The following GRIN2A variants were observed in gnomAD, a reference collection of about 807,000 sequenced individuals.
The protein encoded by GRIN2A is glutamate receptor ionotropic, NMDA 2A.
GRIN2A carries 22 observed loss-of-function variants against 113.4 expected under a neutral mutation model. The observed-to-expected ratio is 0.19, with a 90% CI of 0.14 to 0.28. The LOEUF (loss-of-function observed/expected upper bound fraction) is 0.28. GRIN2A is among the 10% of genes least tolerant of loss of function. GRIN2A has a pLI of 1.00. For synonymous variants in GRIN2A, 827 were observed against 738.4 expected (o/e 1.12, Z -1.94); for missense variants, 1,502 against 1,887.0 (o/e 0.80, Z 3.78).
intron 2 of GRIN2A, among the ~76,000 whole-genome samples, chr16:9,992,891 TA>T (rs2046148022): frequency 6.6e-6 from 1 of 152,268 alleles, no homozygotes; most frequent in Admixed American, 6.5e-5. Context: ...GTTCCTGCCA[TA>T]ATAATGATAA....
At chr16:10,007,364 T>G (rs2046423038) in intron 2 of GRIN2A, among the ~76,000 whole-genome samples, 1 of 152,242 alleles carries the variant, frequency 6.6e-6, no homozygotes, top group Non-Finnish European at 1.5e-5. Context: ...TTGAATTTTA[T>G]TTTTCTGACC....
At chr16:9,795,758 C>G (rs569546184) in intron 11 of GRIN2A, among the ~76,000 whole-genome samples, 1 of 152,082 alleles carries the variant, frequency 6.6e-6, no homozygotes, top group Non-Finnish European at 1.5e-5. Context: ...ATGAATAAAC[C>G]GAGGCTAAAA....
In GRIN2A at chr16:9,760,726, G is replaced by T; in HGVS notation, c.*2423C>A. The T allele has an allele frequency of 4.4e-6, 1 of 228,300 alleles. No homozygotes were observed. The highest frequency in any genetic ancestry group is 8.7e-6 in the Non-Finnish European group (1 of 114,950). 14.1% of individuals were successfully genotyped at this position (228,300 alleles called of 1,614,324 possible). A position where few individuals can be genotyped will look rare whatever the true frequency, so the allele number is the denominator to read the frequency against. ...CCCCCTGGGTTTAGAGGACACCAGAGGAAGACAGAAAGCCTCTTTGGCTTG... is the reference window on the plus strand; with the variant it reads ...CCCCCTGGGTTTAGAGGACACCAGATGAAGACAGAAAGCCTCTTTGGCTTG... On this transcript the variant is annotated 3_prime_UTR_variant, in exon 13 of 13. Coordinates refer to ENST00000330684, the MANE Select transcript of GRIN2A (RefSeq NM_001134407.3).
chr16:10,160,107 T>G (rs1262182629), intron 2 of GRIN2A, among the ~76,000 whole-genome samples: 1 of 152,200 alleles, frequency 6.6e-6, no homozygotes, highest in Non-Finnish European at 1.5e-5. Context: ...AGGGTAAAAG[T>G]GCGTTTCCTT....
rs148147653 is a variant in GRIN2A at position 9,762,936 on chromosome 16, T to C, written c.*213A>G. Reference sequence around the variant, plus strand: ...TTTGGTTAAGGACTCACCTATCTGGTGTCTGCCATGCTCAGCACACACCTC... The same window carrying C: ...TTTGGTTAAGGACTCACCTATCTGGCGTCTGCCATGCTCAGCACACACCTC... On this transcript the variant is annotated 3_prime_UTR_variant, in exon 13 of 13. Coordinates refer to ENST00000330684, the MANE Select transcript of GRIN2A (RefSeq NM_001134407.3). 155 of 606,604 alleles carry C rather than the reference T, an allele frequency of 2.6e-4. No homozygotes were observed. Among genetic ancestry groups the C allele is most frequent in the African/African-American group, 2.5e-3 (135 of 54,084 alleles). The allele number at this position is 606,604 out of a possible 1,614,324, so 37.6% of individuals were successfully genotyped here.
intron 3 of GRIN2A, among the ~76,000 whole-genome samples, chr16:9,900,789 A>G (rs7203743): frequency 0.028 from 4,215 of 152,226 alleles, 196 homozygotes; most frequent in African/African-American, 0.096. Context: ...TTAACCTCTC[A>G]TGACTAAGGA....
chr16:9,941,273 G>C (rs980944032), intron 2 of GRIN2A, among the ~76,000 whole-genome samples: 1 of 152,184 alleles, frequency 6.6e-6, no homozygotes, highest in African/African-American at 2.4e-5. Flanking sequence ...CAACACCCTT[G>C]CTCTATGTAC....
intron 11 of GRIN2A, among the ~76,000 whole-genome samples, chr16:9,796,522 C>T (rs1902993845): frequency 6.6e-6 from 1 of 152,194 alleles, no homozygotes; most frequent in Non-Finnish European, 1.5e-5. Context: ...ATCCCTTGAC[C>T]CTGAACTTGG....
At chr16:9,894,715 G>T (rs13335592) in intron 3 of GRIN2A, among the ~76,000 whole-genome samples, 4,040 of 152,234 alleles carry the variant, frequency 0.027, 185 homozygotes, top group African/African-American at 0.092. Flanking sequence ...CCATTTCCCA[G>T]GGTTATTTTT....
At chr16:10,085,921 C>T (rs2048077839) in intron 2 of GRIN2A, among the ~76,000 whole-genome samples, 1 of 152,278 alleles carries the variant, frequency 6.6e-6, no homozygotes, top group Non-Finnish European at 1.5e-5. Flanking sequence ...ATGCGCTTAA[C>T]CACAACACTA....
At chr16:10,051,601 G>A (rs895203459) in intron 2 of GRIN2A, among the ~76,000 whole-genome samples, 1 of 152,216 alleles carries the variant, frequency 6.6e-6, no homozygotes, top group East Asian at 1.9e-4. Flanking sequence ...CTGAGGGGGT[G>A]TATCAGGGAC....
chr16:9,954,074 A>G (rs1053664155), intron 2 of GRIN2A, among the ~76,000 whole-genome samples: 40 of 152,156 alleles, frequency 2.6e-4, no homozygotes, highest in African/African-American at 8.7e-4. Flanking sequence ...AATGTCCTCT[A>G]AGTCAATCCT....
chr16:10,048,508 A>G (rs1185190058), intron 2 of GRIN2A, among the ~76,000 whole-genome samples: 3 of 152,240 alleles, frequency 2.0e-5, no homozygotes, highest in Non-Finnish European at 2.9e-5. Context: ...ATATGTGGGG[A>G]CATGTTGCCT....
At chr16:10,178,308 C>T (rs1471218324) in intron 2 of GRIN2A, among the ~76,000 whole-genome samples, 1 of 152,174 alleles carries the variant, frequency 6.6e-6, no homozygotes, top group African/African-American at 2.4e-5. Context: ...CCTTGTCCCT[C>T]CTGAAGATGG....
intron 2 of GRIN2A, among the ~76,000 whole-genome samples, chr16:10,141,943 G>A (rs1302936870): frequency 6.6e-6 from 1 of 152,180 alleles, no homozygotes; most frequent in African/African-American, 2.4e-5. Context: ...GTCTAACCTG[G>A]TGGAAATGCA....
chr16:9,858,052 C>T (rs927579011), intron 4 of GRIN2A, among the ~76,000 whole-genome samples: 16 of 152,170 alleles, frequency 1.1e-4, no homozygotes, highest in Non-Finnish European at 2.1e-4. Context: ...CGAATAGGCA[C>T]GTGTCCTTTA....
At chr16:9,935,071 C>A (rs74008902) in intron 3 of GRIN2A, among the ~76,000 whole-genome samples, 2,114 of 152,258 alleles carry the variant, frequency 0.014, 47 homozygotes, top group African/African-American at 0.048. Flanking sequence ...TTAAAAAAAG[C>A]ATAGAATCCA....
At chr16:10,138,680 T>C (rs1070486) in intron 2 of GRIN2A, among the ~76,000 whole-genome samples, 37,808 of 152,002 alleles carry the variant, frequency 0.25, 5,446 homozygotes, top group East Asian at 0.39. Context: ...TCTATGAGCC[T>C]CAGTTTTCCC....
intron 10 of GRIN2A, among the ~76,000 whole-genome samples, chr16:9,800,563 T>C (rs1903298015): frequency 6.6e-6 from 1 of 152,168 alleles, no homozygotes; most frequent in Admixed American, 6.5e-5. Flanking sequence ...CAAAACTATT[T>C]GGCAGGTTTA....
Sources: allele counts gnomAD v4.1 joint callset (sites outside exome capture counted in the v4.1 genomes callset), GRCh38; gene constraint gnomAD v4.1.1; transcripts MANE v1.5; gene names NCBI Gene and HGNC (gene_info 2026-07-23, HGNC 2026-07-21).